FILIP1: variants seen among roughly 807,000 people sequenced by gnomAD.
The protein encoded by FILIP1 is filamin-A-interacting protein 1.
Under a neutral mutation model 102.1 loss-of-function variants are expected in FILIP1, and 61 were observed. The observed-to-expected ratio is 0.60, with a 90% CI of 0.49 to 0.74. The LOEUF (loss-of-function observed/expected upper bound fraction) is 0.74, where lower values mean the gene tolerates loss of function less well. FILIP1 is among the 30% of genes least tolerant of loss of function. The probability of loss-of-function intolerance (pLI) is 0.00; values close to 1 mark genes in which losing one functional copy is unlikely to be tolerated. For missense variants in FILIP1, 1,314 were observed against 1,441.2 expected, an observed-to-expected ratio of 0.91 and a Z score of 1.43; for synonymous variants, 491 against 526.9, an observed-to-expected ratio of 0.93 and a Z score of 0.93.
intron 5 of FILIP1, among the ~76,000 whole-genome samples, 193 bp from the exon 6 acceptor site, chr6:75,309,090 T>C (rs1162829375): frequency 1.3e-5 from 2 of 151,638 alleles, no homozygotes; most frequent in East Asian, 3.9e-4. Context: ...TCCCTTCACT[T>C]AAAACAACTT....
intron 1 of FILIP1, among the ~76,000 whole-genome samples, chr6:75,464,456 A>G (rs1315066369): frequency 6.6e-6 from 1 of 152,238 alleles, no homozygotes; most frequent in Non-Finnish European, 1.5e-5. Context: ...TATGCAGGAA[A>G]TATTTCCTTT....
chr6:75,336,256 GGTAACTAAAGGGTATATTTT>G (rs1190482856), intron 4 of FILIP1, among the ~76,000 whole-genome samples: 1 of 152,102 alleles, frequency 6.6e-6, no homozygotes, highest in African/African-American at 2.4e-5. Flanking sequence ...CTACTTGGAA[GGTAACTAAAGGGTATATTTT>G]GTAACTCTGT....
At chr6:75,387,743 T>C (rs1370749344) in intron 2 of FILIP1, among the ~76,000 whole-genome samples, 1 of 152,224 alleles carries the variant, frequency 6.6e-6, no homozygotes, top group Non-Finnish European at 1.5e-5. Context: ...TTTTTTCTTA[T>C]ACATTTGTTT....
intron 1 of FILIP1, among the ~76,000 whole-genome samples, chr6:75,428,000 G>T (rs1362147718): frequency 6.6e-6 from 1 of 151,518 alleles, no homozygotes; most frequent in African/African-American, 2.5e-5. Flanking sequence ...TGAAGGAAGA[G>T]TGAGGAAGGT....
chr6:75,295,849 T>C (rs759154787), exon 7 of FILIP1: 60 of 1,123,372 alleles, frequency 5.3e-5, no homozygotes, highest in Non-Finnish European at 6.6e-5. Flanking sequence ...GATTGAGGGC[T>C]GTCCATTCAA....
chr6:75,339,773 C>T lies in FILIP1; in HGVS notation c.629+13766G>A, dbSNP rs553738219. On this transcript the variant is annotated intron_variant, in intron 4 of 5. Transcript: ENST00000237172. ...GACCAGCCTGGCCAATAGGGCGAAACCCAGTCTCTACTAAAAATACACCAT... is the reference window on the plus strand; with the variant it reads ...GACCAGCCTGGCCAATAGGGCGAAATCCAGTCTCTACTAAAAATACACCAT... Among the ~76,000 whole-genome samples, 5 of 152,196 alleles carry T rather than the reference C, an allele frequency of 3.3e-5. No homozygotes were observed. In the East Asian group the frequency reaches 9.7e-4, roughly 29 times the overall value.
intron 2 of FILIP1, chr6:75,385,805 T>C (rs1379497222): frequency 3.3e-5 from 5 of 151,970 alleles, no homozygotes; most frequent in African/African-American, 7.2e-5. Context: ...TTAAGCATGT[T>C]ACATATCATG....
At chr6:75,297,308 A>G (rs1202297756) in intron 6 of FILIP1, among the ~76,000 whole-genome samples, 1 of 152,174 alleles carries the variant, frequency 6.6e-6, no homozygotes, top group African/African-American at 2.4e-5. Flanking sequence ...TAGTAATTAC[A>G]CACAGTGCAT....
chr6:75,372,673 GAAAGAAAGAAAGAGAAAGAAAGA>G (rs1562514595), intron 2 of FILIP1, among the ~76,000 whole-genome samples: 7 of 56,954 alleles, frequency 1.2e-4, no homozygotes, highest in African/African-American at 6.9e-4. Context: ...AAGAAAGAAA[GAAAGAAAGAAAGAGAAAGAAAGA>G]GAAAGAAAGA....
chr6:75,482,301 T>C (rs1213724640), intron 1 of FILIP1, among the ~76,000 whole-genome samples: 2 of 152,198 alleles, frequency 1.3e-5, no homozygotes, highest in Non-Finnish European at 2.9e-5. Context: ...GTAATGTAGA[T>C]AGTATTGATG....
chr6:75,402,028 A>C (rs1004171252), intron 2 of FILIP1, among the ~76,000 whole-genome samples: 3 of 152,182 alleles, frequency 2.0e-5, no homozygotes, highest in African/African-American at 7.2e-5. Flanking sequence ...TATTACCCTT[A>C]TGTGGTATTT....
intron 2 of FILIP1, among the ~76,000 whole-genome samples, chr6:75,395,428 C>T (rs1319930683): frequency 1.3e-5 from 2 of 152,062 alleles, no homozygotes; most frequent in Non-Finnish European, 2.9e-5. Context: ...TACAGGCACC[C>T]GCAACCATGC....
chr6:75,366,476 A>T (rs1562507366), intron 2 of FILIP1, among the ~76,000 whole-genome samples: 1 of 152,230 alleles, frequency 6.6e-6, no homozygotes, highest in African/African-American at 2.4e-5. Context: ...AGACTCAGAA[A>T]TAGTTTCCAA....
chr6:75,485,189 A>C (rs1236364669), intron 1 of FILIP1, among the ~76,000 whole-genome samples: 1 of 152,230 alleles, frequency 6.6e-6, no homozygotes, highest in Non-Finnish European at 1.5e-5. Flanking sequence ...TCAAGAAAAC[A>C]GACAGCCTTC....
At position 75,295,854 on chromosome 6, in the gene FILIP1, A is replaced by G; in HGVS notation, c.*56T>C. 3 of 1,223,426 alleles carry G rather than the reference A, an allele frequency of 2.5e-6. No homozygotes were observed. In the Middle Eastern group the frequency reaches 6.0e-4, roughly 243 times the overall value. 75.8% of individuals were successfully genotyped at this position (1,223,426 alleles called of 1,614,324 possible). Reference sequence around the variant, plus strand: ...CCTTAGTCATGATTGAGGGCTGTCCATTCAATAGGGATTCAGAGGTCGTAC... The same window carrying G: ...CCTTAGTCATGATTGAGGGCTGTCCGTTCAATAGGGATTCAGAGGTCGTAC... On this transcript the variant is annotated 3_prime_UTR_variant, in exon 7 of 7. Coordinates refer to the FILIP1 transcript ENST00000393004.
At chr6:75,476,316 T>C (rs1239159629) in intron 1 of FILIP1, among the ~76,000 whole-genome samples, 1 of 151,896 alleles carries the variant, frequency 6.6e-6, no homozygotes, top group Non-Finnish European at 1.5e-5. Context: ...CTTATTGGTA[T>C]CATGATTCCT....
At chr6:75,385,996 T>C (rs922604887) in intron 2 of FILIP1, 1 of 152,166 alleles carries the variant, frequency 6.6e-6, no homozygotes, top group African/African-American at 2.4e-5. Context: ...CTGGCCAAGA[T>C]TTATATTAAT....
chr6:75,461,428 T>A (rs984113551), intron 1 of FILIP1, among the ~76,000 whole-genome samples: 1 of 152,196 alleles, frequency 6.6e-6, no homozygotes, highest in Non-Finnish European at 1.5e-5. Context: ...CCTAAACTTA[T>A]GTTCACGTAT....
At chr6:75,427,033 C>A (rs1386443422) in intron 1 of FILIP1, among the ~76,000 whole-genome samples, 2 of 152,052 alleles carry the variant, frequency 1.3e-5, no homozygotes, top group East Asian at 1.9e-4. Flanking sequence ...CCCTCCCACT[C>A]CCCAACACTG....
Sources: gnomAD v4.1 joint callset for allele counts (sites outside exome capture counted in the v4.1 genomes callset) on GRCh38, gnomAD v4.1.1 for gene constraint, MANE v1.5 for transcripts, NCBI Gene and HGNC (gene_info 2026-07-23, HGNC 2026-07-21) for gene names.